ST8SIA6: variants seen among roughly 807,000 people sequenced by gnomAD.
The protein encoded by ST8SIA6 is ST8 alpha-N-acetyl-neuraminide alpha-2,8-sialyltransferase 6, also known as alpha-2,8-sialyltransferase 8F.
Under a neutral mutation model 33.6 loss-of-function variants are expected in ST8SIA6, and 39 were observed. The ratio of observed to expected loss-of-function variants is 1.16; its 90% CI spans 0.90 to 1.52. The LOEUF (loss-of-function observed/expected upper bound fraction) is 1.52. ST8SIA6 is among the 40% of genes most tolerant of loss of function. The pLI, the probability that ST8SIA6 is intolerant of heterozygous loss-of-function variation, is 0.00. For synonymous variants in ST8SIA6, 172 were observed against 167.2 expected (o/e 1.03, Z -0.22); for missense variants, 441 against 443.8 (o/e 0.99, Z 0.06).
At chr10:17,359,473 A>C in intron 4 of ST8SIA6, 41 bp downstream of exon 4, 7 of 1,450,572 alleles carry the variant, frequency 4.8e-6, no homozygotes, top group Non-Finnish European at 5.7e-6. Flanking sequence ...CAAATGAACA[A>C]GACATTTTTA....
chr10:17,445,690 A>G (rs17141132), intron 2 of ST8SIA6, among the ~76,000 whole-genome samples: 1,905 of 152,310 alleles, frequency 0.013, 29 homozygotes, highest in African/African-American at 0.043. Context: ...TTGAGATTAC[A>G]TGTTGATTAC....
At chr10:17,395,419 A>G (rs976684817) in intron 2 of ST8SIA6, among the ~76,000 whole-genome samples, 1 of 152,146 alleles carries the variant, frequency 6.6e-6, no homozygotes. Flanking sequence ...TGAGCAGTTG[A>G]GTCTAGGGAC....
intron 2 of ST8SIA6, among the ~76,000 whole-genome samples, chr10:17,420,467 T>C (rs1255022161): frequency 6.6e-6 from 1 of 152,198 alleles, no homozygotes; most frequent in Admixed American, 6.5e-5. Flanking sequence ...CACATTTTTG[T>C]TATGGTGAAA....
rs780539664 is a variant in ST8SIA6, at chr10:17,331,429, G to C, written c.501C>G (p.Asn167Lys). 1.2e-6 allele frequency: 2 copies of C among 1,613,220 alleles called. No homozygotes were observed. The highest frequency in any genetic ancestry group is 2.2e-5 in the East Asian group (1 of 44,826). ...ESKKEIPIKK[N>K]IFHMFPVSQP... Reference sequence around the variant, plus strand: ...TCACCACTGGAAACATATGAAAAATGTTCTTCTTAATTGGGATTTCTTTTT... The same window carrying C: ...TCACCACTGGAAACATATGAAAAATCTTCTTCTTAATTGGGATTTCTTTTT... Residue 167 changes from asparagine to lysine, a missense_variant, in exon 5 of 8, where the codon AAC becomes AAG. Asn to Lys is a moderately conservative substitution (Grantham distance 94). Coordinates refer to ENST00000377602, the MANE Select transcript of ST8SIA6 (RefSeq NM_001004470.3).
At chr10:17,392,980 A>G (rs997078862) in intron 2 of ST8SIA6, among the ~76,000 whole-genome samples, 2 of 152,198 alleles carry the variant, frequency 1.3e-5, no homozygotes, top group African/African-American at 4.8e-5. Context: ...ACAGATGAGT[A>G]TTTGAATCAA....
chr10:17,322,944 A>T, intron 7 of ST8SIA6, 121 bp downstream of exon 7: 2 of 851,704 alleles, frequency 2.3e-6, no homozygotes, highest in Non-Finnish European at 3.5e-6. Context: ...ATATTTTTCC[A>T]AAAACTCATT....
chr10:17,386,848 G>C (rs780658493), intron 3 of ST8SIA6: 3 of 152,246 alleles, frequency 2.0e-5, no homozygotes, highest in Non-Finnish European at 2.9e-5. Context: ...CCTCTCTCTG[G>C]GTCTTCAGAA....
chr10:17,424,168 A>G (rs1588911720), intron 2 of ST8SIA6, among the ~76,000 whole-genome samples: 1 of 151,032 alleles, frequency 6.6e-6, no homozygotes, highest in African/African-American at 2.4e-5. Flanking sequence ...CAGTGGTGCA[A>G]TCTCAGCTCA....
intron 4 of ST8SIA6, among the ~76,000 whole-genome samples, chr10:17,339,571 A>G (rs1438442827): frequency 1.3e-5 from 2 of 152,196 alleles, no homozygotes; most frequent in Non-Finnish European, 1.5e-5. Context: ...AAAATATAAC[A>G]TACATAGGCC....
At chr10:17,441,505 G>T (rs1852492709) in intron 2 of ST8SIA6, among the ~76,000 whole-genome samples, 1 of 151,922 alleles carries the variant, frequency 6.6e-6, no homozygotes, top group Non-Finnish European at 1.5e-5. Flanking sequence ...TAGAGACAGG[G>T]TTTCACCATG....
chr10:17,375,015 CA>C (rs1042573379), intron 3 of ST8SIA6, among the ~76,000 whole-genome samples: 1 of 144,284 alleles, frequency 6.9e-6, no homozygotes, highest in African/African-American at 2.5e-5. Flanking sequence ...TAGCTCACTG[CA>C]GCCTCAACCT....
At chr10:17,390,744 T>C (rs1047536785) in intron 2 of ST8SIA6, 124 bp from the exon 3 acceptor site, 9 of 692,022 alleles carry the variant, frequency 1.3e-5, no homozygotes, top group East Asian at 2.7e-5. Context: ...TACTCCATTA[T>C]TGGATTTCTC....
chr10:17,368,765 A>G (rs1466586210), intron 3 of ST8SIA6, among the ~76,000 whole-genome samples: 1 of 152,112 alleles, frequency 6.6e-6, no homozygotes, highest in African/African-American at 2.4e-5. Context: ...AAATGAAAGA[A>G]ATTGTAAAGG....
At chr10:17,358,699 AG>A (rs1849283435) in intron 4 of ST8SIA6, among the ~76,000 whole-genome samples, 1 of 122,774 alleles carries the variant, frequency 8.1e-6, no homozygotes, top group Admixed American at 8.3e-5. Flanking sequence ...AGGAAAAAGG[AG>A]GAGGAGGAGG....
intron 2 of ST8SIA6, among the ~76,000 whole-genome samples, chr10:17,439,314 C>A: frequency 7.1e-6 from 1 of 140,794 alleles, no homozygotes; most frequent in African/African-American, 2.7e-5. Context: ...GAGCCTCTCT[C>A]TGTCACCCAG....
At chr10:17,400,856 T>C (rs143141958) in intron 2 of ST8SIA6, among the ~76,000 whole-genome samples, 4,942 of 152,290 alleles carry the variant, frequency 0.032, 84 homozygotes, top group South Asian at 0.055. Flanking sequence ...AGCATTCTCT[T>C]TGAAAAGTGG....
intron 3 of ST8SIA6, among the ~76,000 whole-genome samples, chr10:17,379,126 C>CA (rs1279101422): frequency 1.1e-3 from 116 of 101,398 alleles, no homozygotes; most frequent in Middle Eastern, 4.5e-3. Context: ...GACTCTGTCT[C>CA]AAAAAAAAAA....
chr10:17,349,066 A>C (rs1564414596), intron 4 of ST8SIA6, among the ~76,000 whole-genome samples: 1 of 152,224 alleles, frequency 6.6e-6, no homozygotes, highest in East Asian at 1.9e-4. Context: ...ATAAAGGTAA[A>C]TCCTTTTCTA....
chr10:17,377,984 A>T (rs927689470), intron 3 of ST8SIA6, among the ~76,000 whole-genome samples: 2 of 152,182 alleles, frequency 1.3e-5, no homozygotes, highest in Non-Finnish European at 2.9e-5. Context: ...CTTTTATAAC[A>T]ACAGGCAATT....
Sources: allele counts gnomAD v4.1 joint callset (sites outside exome capture counted in the v4.1 genomes callset), GRCh38; gene constraint gnomAD v4.1.1; transcripts MANE v1.5; gene names NCBI Gene and HGNC (gene_info 2026-07-23, HGNC 2026-07-21).